INTS15: variants seen among roughly 807,000 people sequenced by gnomAD.
INTS15 encodes integrator complex subunit 15, also known as uncharacterized protein C7orf26.
At chr7:6,590,184 G>T in the INTS15 span, 1 of 1,135,196 alleles carries the variant, frequency 8.8e-7, no homozygotes, top group South Asian at 2.0e-5. Flanking sequence ...CCGCAGCCCA[G>T]GCCCGGGTCG....
the INTS15 span, chr7:6,602,742 G>C: frequency 2.1e-6 from 1 of 471,024 alleles, no homozygotes; most frequent in Non-Finnish European, 4.4e-6. Context: ...CTCCACAAAC[G>C]CAGTCATCAG....
the INTS15 span, chr7:6,607,606 C>T: frequency 1.6e-5 from 22 of 1,396,590 alleles, no homozygotes; most frequent in Admixed American, 6.5e-5. This position sits in a 1 kb window ranked among gnomAD's most constrained non-coding sequence, Gnocchi z 6.0. Context: ...AGGTAGGGCG[C>T]GGTCATTCTC....
the INTS15 span, among the ~76,000 whole-genome samples, chr7:6,604,704 C>T: frequency 1.3e-5 from 2 of 152,174 alleles, no homozygotes; most frequent in African/African-American, 2.4e-5. Flanking sequence ...ATGCATAACT[C>T]GAGTCCAGGG....
the INTS15 span, among the ~76,000 whole-genome samples, chr7:6,601,549 G>T: frequency 6.6e-6 from 1 of 152,106 alleles, no homozygotes; most frequent in Admixed American, 6.6e-5. Context: ...GCCCGCCTCA[G>T]CCTCCCAAAA....
At chr7:6,594,197 G>T in the INTS15 span, among the ~76,000 whole-genome samples, 2 of 150,884 alleles carry the variant, frequency 1.3e-5, no homozygotes, top group East Asian at 2.0e-4. Flanking sequence ...TAGTAGAGAC[G>T]AGTTTCACCA....
chr7:6,600,740 C>G, the INTS15 span, among the ~76,000 whole-genome samples: 1 of 152,152 alleles, frequency 6.6e-6, no homozygotes, highest in Non-Finnish European at 1.5e-5. Context: ...TCAGTGCAAC[C>G]TCCATCTCCT....
the INTS15 span, among the ~76,000 whole-genome samples, chr7:6,595,518 G>A: frequency 2.0e-5 from 3 of 152,084 alleles, no homozygotes; most frequent in East Asian, 1.9e-4. Flanking sequence ...CCACCTGGAC[G>A]TGTGCAGTTT....
the INTS15 span, among the ~76,000 whole-genome samples, chr7:6,598,789 T>TA: frequency 4.4e-4 from 18 of 41,158 alleles, no homozygotes; most frequent in East Asian, 7.5e-3. Flanking sequence ...GTGTGTGTAT[T>TA]TTTTTTTTTT....
At chr7:6,598,461 T>TC in the INTS15 span, among the ~76,000 whole-genome samples, 2 of 80,088 alleles carry the variant, frequency 2.5e-5, no homozygotes, top group Admixed American at 1.7e-4. Flanking sequence ...AGAGTGGGAC[T>TC]CCATCTCAAA....
At chr7:6,591,835 C>G in the INTS15 span, 1 of 1,613,914 alleles carries the variant, frequency 6.2e-7, no homozygotes. Flanking sequence ...GTGTCGAATC[C>G]CGGTGTTGGA....
chr7:6,602,137 A>G, the INTS15 span: 1 of 1,612,910 alleles, frequency 6.2e-7, no homozygotes, highest in Non-Finnish European at 8.5e-7. Context: ...CTGCCCCATA[A>G]TAAGTAAGTA....
the INTS15 span, among the ~76,000 whole-genome samples, chr7:6,604,972 T>G: frequency 6.6e-6 from 1 of 152,032 alleles, no homozygotes; most frequent in Non-Finnish European, 1.5e-5. Flanking sequence ...TCCTCTCCTC[T>G]TTTTCTTTTT....
chr7:6,603,896 C>T, the INTS15 span, among the ~76,000 whole-genome samples: 23 of 151,926 alleles, frequency 1.5e-4, no homozygotes, highest in East Asian at 3.9e-4. Context: ...GCTATTCATT[C>T]GGGCGGCTGA....
the INTS15 span, chr7:6,594,440 G>A: frequency 3.1e-6 from 5 of 1,613,862 alleles, no homozygotes; most frequent in African/African-American, 2.7e-5. Context: ...TCCAGCGGAC[G>A]CCCGTGGTTT....
chr7:6,600,596 C>T, the INTS15 span, among the ~76,000 whole-genome samples: 2 of 152,152 alleles, frequency 1.3e-5, no homozygotes, highest in Non-Finnish European at 2.9e-5. Flanking sequence ...ACTGGGGACT[C>T]CTTGAGAGCC....
the INTS15 span, among the ~76,000 whole-genome samples, chr7:6,598,958 T>TAGA: frequency 3.9e-5 from 6 of 151,986 alleles, no homozygotes; most frequent in Non-Finnish European, 7.4e-5. Context: ...GGCTAACTTT[T>TAGA]AAGAATTTTT....
chr7:6,602,842 C>A, the INTS15 span: 1 of 437,714 alleles, frequency 2.3e-6, no homozygotes, highest in South Asian at 1.6e-5. Flanking sequence ...GCTTCCCTGC[C>A]TTCTGCCTGA....
the INTS15 span, chr7:6,600,016 G>A: frequency 6.2e-7 from 1 of 1,614,166 alleles, no homozygotes. Context: ...CTTATAAAAG[G>A]AAAAAGAAGC....
the INTS15 span, among the ~76,000 whole-genome samples, chr7:6,593,722 C>T: frequency 6.7e-5 from 10 of 149,294 alleles, no homozygotes; most frequent in East Asian, 1.4e-3. Flanking sequence ...CCACGGGGCT[C>T]ACTGCAGACT....
Sources: allele counts gnomAD v4.1 joint callset (sites outside exome capture counted in the v4.1 genomes callset), GRCh38; gene constraint gnomAD v4.1.1; non-coding constraint Gnocchi (gnomAD v3.1); transcripts MANE v1.5; gene names NCBI Gene and HGNC (gene_info 2026-07-23, HGNC 2026-07-21).